The following SUGP2 variants were observed in gnomAD, a reference collection of about 807,000 sequenced individuals.
The protein encoded by SUGP2 is SURP and G-patch domain-containing protein 2.
Under a neutral mutation model 90.5 loss-of-function variants are expected in SUGP2, and 24 were observed. The ratio of observed to expected loss-of-function variants is 0.27; its 90% CI spans 0.19 to 0.37. The LOEUF is 0.37. Ranked by LOEUF, SUGP2 falls within the 10% of genes least tolerant of loss-of-function variation. The probability of loss-of-function intolerance (pLI) is 1.00; values close to 1 mark genes in which losing one functional copy is unlikely to be tolerated. For synonymous variants in SUGP2, 473 were observed against 513.4 expected (o/e 0.92, Z 1.06); for missense variants, 1,233 against 1,363.3 (o/e 0.90, Z 1.51).
upstream of SUGP2, chr19:19,033,663 C>T: frequency 2.9e-6 from 2 of 686,340 alleles, no homozygotes; most frequent in Non-Finnish European, 3.9e-6. Context: ...GCTCTGGAGG[C>T]AAAACATTTC....
At chr19:19,007,924 T>C (rs1238006313) in intron 6 of SUGP2, among the ~76,000 whole-genome samples, 1 of 152,066 alleles carries the variant, frequency 6.6e-6, no homozygotes, top group Non-Finnish European at 1.5e-5. Flanking sequence ...CATGCCCGGC[T>C]AATTTTTGTA....
At chr19:18,995,094 G>A (rs2057520407) in intron 9 of SUGP2, 50 bp downstream of exon 9, 2 of 1,594,924 alleles carry the variant, frequency 1.3e-6, no homozygotes, top group African/African-American at 1.3e-5. Context: ...GGCTGCAGGT[G>A]GAAGGACTGA....
intron 8 of SUGP2, among the ~76,000 whole-genome samples, chr19:19,001,065 G>C (rs2145329470): frequency 6.6e-6 from 1 of 151,324 alleles, no homozygotes; most frequent in East Asian, 1.9e-4. Context: ...GCCCAGGCTG[G>C]AGTGCAGTGG....
intron 7 of SUGP2, among the ~76,000 whole-genome samples, chr19:19,002,555 C>T (rs2057886807): frequency 1.4e-5 from 2 of 138,706 alleles, no homozygotes; most frequent in African/African-American, 5.3e-5. Context: ...CTCTTGTTGC[C>T]CAGGCTGGAG....
chr19:18,996,783 T>C (rs1409495308), intron 8 of SUGP2, among the ~76,000 whole-genome samples: 2 of 152,202 alleles, frequency 1.3e-5, no homozygotes, highest in Non-Finnish European at 2.9e-5. Flanking sequence ...ATCAAACTCC[T>C]GACCTCAGCT....
chr19:18,998,358 C>G (rs1220711425), intron 8 of SUGP2, among the ~76,000 whole-genome samples: 1 of 152,218 alleles, frequency 6.6e-6, no homozygotes, highest in Non-Finnish European at 1.5e-5. Context: ...TCCATCATGG[C>G]TCACTGCAGT....
chr19:19,021,670 A>AT (rs777104794), intron 3 of SUGP2, among the ~76,000 whole-genome samples: 5,963 of 143,994 alleles, frequency 0.041, 268 homozygotes, highest in African/African-American at 0.12. Flanking sequence ...TCATTCCAGC[A>AT]TTTTTTTTTT....
Position 19,008,446 on chromosome 19 carries a change from CCT to C in SUGP2, c.2339-20_2339-19del. 6.3e-7 allele frequency: 1 copy of C among 1,597,416 alleles called. No homozygotes were observed. ...CATGTCAACTACAAAACATAAAGCA[CCT>C]GTCAGGCATGACTCCTGAGCTGCTG... On this transcript the variant is annotated intron_variant, in intron 5 of 10. Coordinates refer to ENST00000452918, the MANE Select transcript of SUGP2 (RefSeq NM_001017392.5).
rs969150068 is a variant in SUGP2, at chr19:18,996,011, C to T, written c.2992-731G>A. ...CTGTAGCAGAAGGAATTTCTATTCA[C>T]TCATGAATATTCATGACACACTGCT... On this transcript the variant is annotated intron_variant, in intron 8 of 10. Transcript: ENST00000452918. Among the ~76,000 whole-genome samples the T allele has an allele frequency of 2.0e-5, 3 of 152,134 alleles. No homozygotes were observed. In the East Asian group the frequency reaches 5.8e-4, roughly 29 times the overall value.
chr19:19,025,639 C>T lies in SUGP2; in HGVS notation c.709G>A (p.Ala237Thr), dbSNP rs1372722417. The T allele has an allele frequency of 6.2e-7, 1 of 1,613,962 alleles. No homozygotes were observed. The highest frequency in any genetic ancestry group is 8.5e-7 in the Non-Finnish European group (1 of 1,180,018). Residue 237 changes from alanine (A) to threonine (T), a missense_variant, in exon 3 of 11, where the codon GCT becomes ACT. Physicochemically the swap from Ala to Thr is moderately conservative, Grantham distance 58. Around this residue, in one of 8 missense-constraint regions of SUGP2, gnomAD observed 418 missense variants for 399.9 expected, o/e 1.05. Transcript: ENST00000452918. ...GKGETQGLLT[A>T]KGGVGKLVTL... is the part of the protein sequence containing the mutation. ...ACAAGTTTCCCAACACCCCCCTTAG[C>T]TGTGAGCAGGCCCTGAGTCTCCCCC...
chr19:19,018,386 G>A (rs1361671438), intron 4 of SUGP2, among the ~76,000 whole-genome samples: 2 of 149,844 alleles, frequency 1.3e-5, no homozygotes, highest in African/African-American at 2.4e-5. Flanking sequence ...GACGCAAACT[G>A]TAATTTTAAT....
rs2059026504 is a variant in SUGP2, at chr19:19,028,700, ATC to A, written c.121+2249_121+2250del. Among the ~76,000 whole-genome samples, 3 of 151,996 alleles carry A rather than the reference ATC, an allele frequency of 2.0e-5. No individual in the cohort carries two copies. In the East Asian group the frequency reaches 5.8e-4, roughly 29 times the overall value. On this transcript the variant is annotated intron_variant, in intron 2 of 10. Coordinates refer to ENST00000452918, the MANE Select transcript of SUGP2 (RefSeq NM_001017392.5). ...GTCCTCTCCCACCCACGGCCCCCTA[ATC>A]TGTCTTTTTTTTTTGAGACGGAGTC...
intron 6 of SUGP2, 69 bp downstream of exon 6, chr19:19,008,247 TA>T: frequency 7.6e-7 from 1 of 1,320,832 alleles, no homozygotes. Flanking sequence ...AAATCCAGCC[TA>T]AGCAACATCC....
In SUGP2 at chr19:19,024,946, C is replaced by T; in HGVS notation, c.1402G>A (p.Ala468Thr). The T allele has an allele frequency of 1.2e-6, 2 of 1,614,168 alleles. No individual in the cohort carries two copies. Among genetic ancestry groups the T allele is most frequent in the South Asian group, 1.1e-5 (1 of 91,086 alleles). Residue 468 changes from alanine to threonine, a missense_variant, in exon 3 of 11, where the codon GCC (alanine) becomes ACC (threonine). Ala to Thr is a moderately conservative substitution (Grantham distance 58). Around this residue, in one of 8 missense-constraint regions of SUGP2, gnomAD observed 59 missense variants for 92.6 expected, o/e 0.64. Transcript: ENST00000452918. ...TLSNPLDLAL[A>T]LETTNSLCRK... ...CAGAGAGAGTTGGTGGTTTCTAGGGCAAGAGCCAAGTCCAGGGGGTTACTG... is the reference window on the plus strand; with the variant it reads ...CAGAGAGAGTTGGTGGTTTCTAGGGTAAGAGCCAAGTCCAGGGGGTTACTG...
intron 3 of SUGP2, among the ~76,000 whole-genome samples, chr19:19,022,628 G>A (rs1351849072): frequency 1.3e-5 from 2 of 152,190 alleles, no homozygotes; most frequent in Non-Finnish European, 2.9e-5. Flanking sequence ...CAAAGACTGT[G>A]GGAGGGTAAG....
At chr19:19,024,045 T>C (rs1273562653) in intron 3 of SUGP2, among the ~76,000 whole-genome samples, 1 of 152,180 alleles carries the variant, frequency 6.6e-6, no homozygotes, top group East Asian at 1.9e-4. Context: ...AGATGAGCAT[T>C]TTTTCTGGCA....
intron 7 of SUGP2, among the ~76,000 whole-genome samples, chr19:19,003,129 G>C (rs1277454608): frequency 6.6e-6 from 1 of 152,166 alleles, no homozygotes; most frequent in Non-Finnish European, 1.5e-5. Flanking sequence ...TTGAAGGATG[G>C]TAAAGGTTAT....
At chr19:19,009,595 C>T (rs1021772426) in intron 5 of SUGP2, among the ~76,000 whole-genome samples, 10 of 152,260 alleles carry the variant, frequency 6.6e-5, no homozygotes, top group South Asian at 6.2e-4. Context: ...AGGACCCTGT[C>T]GGGGAGCACG....
chr19:19,028,301 C>T (rs1005449611), intron 2 of SUGP2, among the ~76,000 whole-genome samples: 4 of 152,144 alleles, frequency 2.6e-5, no homozygotes, highest in Non-Finnish European at 4.4e-5. Context: ...AGATCCAAGT[C>T]GGGCCCTCAG....
Sources: gnomAD v4.1 joint callset for allele counts (sites outside exome capture counted in the v4.1 genomes callset) on GRCh38, gnomAD v4.1.1 for gene constraint, gnomAD v4.1.1 regional missense constraint, MANE v1.5 for transcripts, NCBI Gene and HGNC (gene_info 2026-07-23, HGNC 2026-07-21) for gene names.